Variants in CMSS1 observed in about 807,000 individuals in gnomAD.
CMSS1 encodes the protein protein CMSS1.
A neutral mutation model predicts 43.5 loss-of-function variants in CMSS1; 33 were observed. The observed-to-expected ratio is 0.76, with a 90% CI of 0.57 to 1.01. The LOEUF (loss-of-function observed/expected upper bound fraction) is 1.01, where lower values mean the gene tolerates loss of function less well. Ranked by LOEUF, CMSS1 falls within the 50% of genes least tolerant of loss-of-function variation. CMSS1 has a pLI of 0.00. For missense variants in CMSS1, 313 were observed against 326.4 expected, an observed-to-expected ratio of 0.96 and a Z score of 0.32; for synonymous variants, 115 against 117.2, an observed-to-expected ratio of 0.98 and a Z score of 0.12.
rs2107638528 is a variant in CMSS1, at chr3:99,910,791, AT to A, written c.64+92752del. Among the ~76,000 whole-genome samples the A allele has an allele frequency of 1.3e-5, 2 of 152,194 alleles. 1 individual carries two copies. Among genetic ancestry groups the A allele is most frequent in the South Asian group, 4.2e-4 (2 of 4,814 alleles). ...GTAGATAACTAGAATATTTATGCCC[AT>A]TTTATAGATGGAAGCATCAACACAT... On this transcript the variant is annotated intron_variant, in intron 1 of 9. Coordinates refer to ENST00000421999, the MANE Select transcript of CMSS1 (RefSeq NM_032359.4).
chr3:99,937,496 A>G (rs1707716503), intron 1 of CMSS1, among the ~76,000 whole-genome samples: 1 of 152,254 alleles, frequency 6.6e-6, no homozygotes, highest in Non-Finnish European at 1.5e-5. Flanking sequence ...GTGGAATCAA[A>G]TAGAACTGGT....
At chr3:99,897,552 A>G (rs1706297924) in intron 1 of CMSS1, among the ~76,000 whole-genome samples, 1 of 152,160 alleles carries the variant, frequency 6.6e-6, no homozygotes, top group Non-Finnish European at 1.5e-5. Flanking sequence ...AGTAGTCTAT[A>G]TTCTCTAAGG....
rs559626085 is a variant in CMSS1, at chr3:99,822,473, G to A, written c.64+4430G>A. Among the ~76,000 whole-genome samples, 13 of 152,286 alleles carry A rather than the reference G, an allele frequency of 8.5e-5. No homozygotes were observed. In the South Asian group the frequency reaches 2.3e-3, roughly 27 times the overall value. On this transcript the variant is annotated intron_variant, in intron 1 of 9. Transcript: ENST00000421999. ...CGGCCAGGCGCAGTGGCTCACGCCT[G>A]TAGTCCCTACACTTTGGGAGGCTGA...
intron 1 of CMSS1, among the ~76,000 whole-genome samples, chr3:99,835,074 C>T (rs1942841781): frequency 6.6e-6 from 1 of 152,182 alleles, no homozygotes; most frequent in Non-Finnish European, 1.5e-5. Context: ...ATAATCCTAA[C>T]TTCTTTGATT....
chr3:100,094,486 T>C (rs1273038326), intron 1 of CMSS1, among the ~76,000 whole-genome samples: 1 of 152,128 alleles, frequency 6.6e-6, no homozygotes, highest in African/African-American at 2.4e-5. Flanking sequence ...GTGTTAAGTA[T>C]AAAAACTCTT....
intron 1 of CMSS1, among the ~76,000 whole-genome samples, chr3:99,920,930 G>A (rs1056131971): frequency 2.6e-5 from 4 of 152,156 alleles, no homozygotes; most frequent in Admixed American, 2.6e-4. Context: ...TAGAATGTGA[G>A]CAGTAAACCT....
intron 2 of CMSS1, among the ~76,000 whole-genome samples, chr3:100,156,805 TG>T (rs1045143910): frequency 2.0e-5 from 3 of 149,894 alleles, no homozygotes; most frequent in African/African-American, 7.4e-5. Flanking sequence ...TTAGTAGAGA[TG>T]GGGTTTCACC....
intron 1 of CMSS1, among the ~76,000 whole-genome samples, chr3:99,857,252 C>T (rs549959224): frequency 6.6e-6 from 1 of 152,302 alleles, no homozygotes; most frequent in South Asian, 2.1e-4. Flanking sequence ...GAGTGGGTTT[C>T]CCATCAGTGT....
intron 1 of CMSS1, among the ~76,000 whole-genome samples, chr3:100,128,329 A>G (rs2066679282): frequency 6.6e-6 from 1 of 152,192 alleles, no homozygotes; most frequent in African/African-American, 2.4e-5. Context: ...GCACATTTTA[A>G]TTATTAATTA....
Position 100,180,169 on chromosome 3 carries a change from G to A in CMSS1, c.*1781G>A, listed in dbSNP as rs2067176073. ...ACCATTTTTTTCCTCCTAGGCCTCT[G>A]GGCCTGTTTGGTGGGGCTGGGGAGG... On this transcript the variant is annotated 3_prime_UTR_variant, in exon 10 of 10. Coordinates refer to ENST00000421999, the MANE Select transcript of CMSS1 (RefSeq NM_032359.4). 1 of 152,320 alleles carries A rather than the reference G, an allele frequency of 6.6e-6. No homozygotes were observed. The highest frequency in any genetic ancestry group is 2.4e-5 in the African/African-American group (1 of 41,448). The allele number at this position is 152,320 out of a possible 1,614,324, so 9.4% of individuals were successfully genotyped here. A position where few individuals can be genotyped will look rare whatever the true frequency, so the allele number is the denominator to read the frequency against.
chr3:100,046,800 A>G (rs1000703822), intron 1 of CMSS1, among the ~76,000 whole-genome samples: 5 of 152,194 alleles, frequency 3.3e-5, no homozygotes, highest in African/African-American at 9.7e-5. Context: ...TGTATCTTCA[A>G]TACCTCAGCC....
intron 1 of CMSS1, among the ~76,000 whole-genome samples, chr3:99,923,443 C>T (rs1707185792): frequency 6.6e-6 from 1 of 152,228 alleles, no homozygotes; most frequent in African/African-American, 2.4e-5. Flanking sequence ...GCCCCATTCC[C>T]ATATTTCATA....
chr3:99,971,664 T>G (rs1708826422), intron 1 of CMSS1, among the ~76,000 whole-genome samples: 1 of 152,222 alleles, frequency 6.6e-6, no homozygotes, highest in Non-Finnish European at 1.5e-5. Context: ...GAACTGTGGC[T>G]TTAGACCTGC....
chr3:99,983,884 A>G (rs185626952), intron 1 of CMSS1, among the ~76,000 whole-genome samples: 23 of 152,238 alleles, frequency 1.5e-4, no homozygotes, highest in Admixed American at 1.5e-3. Context: ...AGAAGAAGTA[A>G]CAGCACAGAT....
intron 1 of CMSS1, among the ~76,000 whole-genome samples, chr3:99,866,499 T>C (rs1410523289): frequency 6.6e-6 from 1 of 152,158 alleles, no homozygotes; most frequent in Non-Finnish European, 1.5e-5. Flanking sequence ...GCCTGAAGAG[T>C]ATAAAATGTG....
chr3:99,892,041 G>A (rs1346945638), intron 1 of CMSS1, among the ~76,000 whole-genome samples: 2 of 152,126 alleles, frequency 1.3e-5, no homozygotes, highest in African/African-American at 4.8e-5. Flanking sequence ...AAACACATTA[G>A]TCAGAGCCTG....
At chr3:100,063,542 C>CA (rs1328792919) in intron 1 of CMSS1, among the ~76,000 whole-genome samples, 1 of 152,098 alleles carries the variant, frequency 6.6e-6, no homozygotes, top group Non-Finnish European at 1.5e-5. Flanking sequence ...CCTAAGCTTC[C>CA]ATCCCACCCT....
chr3:100,161,842 T>C (rs1296296519), intron 3 of CMSS1, among the ~76,000 whole-genome samples: 1 of 152,202 alleles, frequency 6.6e-6, no homozygotes, highest in African/African-American at 2.4e-5. Flanking sequence ...TAGGCCCCTA[T>C]GCTCAGATTC....
At chr3:100,115,710 T>C (rs1340706649) in intron 1 of CMSS1, among the ~76,000 whole-genome samples, 1 of 151,978 alleles carries the variant, frequency 6.6e-6, no homozygotes, top group African/African-American at 2.4e-5. Context: ...TTATATACTT[T>C]AGTGTGATTA....
Sources: allele counts gnomAD v4.1 joint callset (sites outside exome capture counted in the v4.1 genomes callset), GRCh38; gene constraint gnomAD v4.1.1; transcripts MANE v1.5; gene names NCBI Gene and HGNC (gene_info 2026-07-23, HGNC 2026-07-21).